The following MTRF1 variants were observed in gnomAD, a reference collection of about 807,000 sequenced individuals.
MTRF1 encodes peptide chain release factor 1, mitochondrial.
MTRF1 carries 51 observed loss-of-function variants against 62.9 expected under a neutral mutation model. The ratio of observed to expected loss-of-function variants is 0.81; its 90% CI spans 0.65 to 1.02. The LOEUF is 1.02. Ranked by LOEUF, MTRF1 falls within the 50% of genes least tolerant of loss-of-function variation. The probability of loss-of-function intolerance (pLI) is 0.00; values close to 1 mark genes in which losing one functional copy is unlikely to be tolerated. For missense variants in MTRF1, 446 were observed against 530.0 expected, an observed-to-expected ratio of 0.84 and a Z score of 1.56; for synonymous variants, 158 against 181.9, an observed-to-expected ratio of 0.87 and a Z score of 1.06.
At chr13:41,311,444 G>T in the MTRF1 span, 1 of 1,332,286 alleles carries the variant, frequency 7.5e-7, no homozygotes, top group Non-Finnish European at 1.0e-6. Context: ...CTCAGCAGCG[G>T]TTCGTCCCGG....
chr13:41,236,298 T>C (rs1001684306), intron 6 of MTRF1: 2 of 152,158 alleles, frequency 1.3e-5, no homozygotes, highest in Non-Finnish European at 2.9e-5. Context: ...GTATTTTTAG[T>C]AGAGATGGAG....
intron 7 of MTRF1, among the ~76,000 whole-genome samples, chr13:41,232,048 G>A (rs1435451207): frequency 6.6e-6 from 1 of 151,968 alleles, no homozygotes; most frequent in Non-Finnish European, 1.5e-5. Context: ...ACTCCAGCCT[G>A]GGCAACAGGC....
the MTRF1 span, among the ~76,000 whole-genome samples, chr13:41,270,700 A>C: frequency 7.2e-5 from 11 of 152,050 alleles, no homozygotes; most frequent in Non-Finnish European, 1.3e-4. Flanking sequence ...TAAACATAAA[A>C]CTATATAAAT....
chr13:41,250,817 A>T (rs1347395265), intron 5 of MTRF1, among the ~76,000 whole-genome samples: 12 of 152,204 alleles, frequency 7.9e-5, no homozygotes, highest in Admixed American at 7.9e-4. Flanking sequence ...AAACTTAATG[A>T]TTCAAAAACC....
chr13:41,241,354 A>G (rs2037471688), intron 5 of MTRF1, among the ~76,000 whole-genome samples: 1 of 151,948 alleles, frequency 6.6e-6, no homozygotes, highest in African/African-American at 2.4e-5. Flanking sequence ...ACTTGTTCTT[A>G]TCTAATGTTT....
chr13:41,310,455 G>A, the MTRF1 span, among the ~76,000 whole-genome samples: 1 of 152,206 alleles, frequency 6.6e-6, no homozygotes, highest in East Asian at 1.9e-4. Context: ...GGCGGATCAC[G>A]AGGTCAAGAG....
chr13:41,236,993 A>G, intron 6 of MTRF1, among the ~76,000 whole-genome samples: 1 of 152,272 alleles, frequency 6.6e-6, no homozygotes, highest in Non-Finnish European at 1.5e-5. Context: ...CAAGGCAGGC[A>G]GATCACTTGA....
chr13:41,233,820 A>T, intron 7 of MTRF1, 70 bp downstream of exon 7: 1 of 1,215,932 alleles, frequency 8.2e-7, no homozygotes, highest in Non-Finnish European at 1.2e-6. Context: ...CTCATATAGG[A>T]CTATTTCCTT....
At chr13:41,306,305 A>C in the MTRF1 span, among the ~76,000 whole-genome samples, 11 of 151,280 alleles carry the variant, frequency 7.3e-5, no homozygotes, top group African/African-American at 2.7e-4. Context: ...AACGGCGTGA[A>C]CCCGGGAGGC....
upstream of MTRF1, among the ~76,000 whole-genome samples, chr13:41,266,328 C>T (rs116754139): frequency 5.2e-3 from 797 of 151,998 alleles, 9 homozygotes; most frequent in African/African-American, 0.018. Flanking sequence ...ATTTAGAACT[C>T]GGGCTGGGCG....
At chr13:41,286,792 T>G in the MTRF1 span, among the ~76,000 whole-genome samples, 2 of 152,184 alleles carry the variant, frequency 1.3e-5, no homozygotes, top group Non-Finnish European at 2.9e-5. Context: ...AAATTCAGTA[T>G]AAAATAAAAC....
At chr13:41,234,324 C>T (rs973213436) in intron 6 of MTRF1, among the ~76,000 whole-genome samples, 1 of 152,102 alleles carries the variant, frequency 6.6e-6, no homozygotes, top group Non-Finnish European at 1.5e-5. Context: ...ACTACTGGTG[C>T]GCACTACCGT....
At chr13:41,219,707 G>C (rs954786577) in intron 9 of MTRF1, among the ~76,000 whole-genome samples, 1 of 152,104 alleles carries the variant, frequency 6.6e-6, no homozygotes, top group Non-Finnish European at 1.5e-5. Flanking sequence ...TCAAAAGAAG[G>C]AGTATTAGAG....
the MTRF1 span, among the ~76,000 whole-genome samples, chr13:41,292,503 C>T: frequency 6.7e-6 from 1 of 150,132 alleles, no homozygotes; most frequent in African/African-American, 2.5e-5. Context: ...ATGGCATGAA[C>T]CTGGGAGGCG....
the MTRF1 span, among the ~76,000 whole-genome samples, chr13:41,292,709 A>C: frequency 6.6e-6 from 1 of 152,108 alleles, no homozygotes; most frequent in Non-Finnish European, 1.5e-5. Context: ...CATTTGAGGC[A>C]GGGAGTTCAA....
chr13:41,304,121 C>T, the MTRF1 span, among the ~76,000 whole-genome samples: 1 of 152,258 alleles, frequency 6.6e-6, no homozygotes, highest in South Asian at 2.1e-4. Context: ...GGATCAGGAG[C>T]TCTTTCTGGT....
intron 7 of MTRF1, among the ~76,000 whole-genome samples, chr13:41,230,145 G>GTACA (rs2035264415): frequency 6.6e-6 from 1 of 151,626 alleles, no homozygotes; most frequent in Non-Finnish European, 1.5e-5. Flanking sequence ...GGGAAAAAAT[G>GTACA]GCATATTTTT....
chr13:41,279,044 A>G, the MTRF1 span, among the ~76,000 whole-genome samples: 1 of 152,126 alleles, frequency 6.6e-6, no homozygotes, highest in Non-Finnish European at 1.5e-5. Flanking sequence ...GCTGAAGTGC[A>G]GTGGCACAAT....
At chr13:41,291,019 G>T in the MTRF1 span, among the ~76,000 whole-genome samples, 1 of 151,234 alleles carries the variant, frequency 6.6e-6, no homozygotes, top group Non-Finnish European at 1.5e-5. Context: ...TTGTTTGAAC[G>T]TGGGAGGCGG....
Sources: allele counts gnomAD v4.1 joint callset (sites outside exome capture counted in the v4.1 genomes callset), GRCh38; gene constraint gnomAD v4.1.1; transcripts MANE v1.5; gene names NCBI Gene and HGNC (gene_info 2026-07-23, HGNC 2026-07-21).